The following EFNA5 variants were observed in gnomAD, a reference collection of about 807,000 sequenced individuals.
EFNA5 encodes the protein ephrin A5.
A neutral mutation model predicts 22.9 loss-of-function variants in EFNA5; 5 were observed. The ratio of observed to expected loss-of-function variants is 0.22; its 90% CI spans 0.11 to 0.46. EFNA5 has a LOEUF of 0.46. EFNA5 is among the 20% of genes least tolerant of loss of function. The pLI is 0.99. For synonymous variants in EFNA5, 113 were observed against 112.2 expected (o/e 1.01, Z -0.04); for missense variants, 237 against 293.3 (o/e 0.81, Z 1.40).
At chr5:107,386,191 G>T (rs1184582230) in intron 4 of EFNA5, among the ~76,000 whole-genome samples, 2 of 151,730 alleles carry the variant, frequency 1.3e-5, no homozygotes, top group Admixed American at 1.3e-4. Flanking sequence ...TACATAAGGG[G>T]GCTCAAATCT....
At position 107,565,887 on chromosome 5, in the gene EFNA5, G is replaced by A. The variant is rs371168512; in HGVS notation, c.125+104602C>T. On this transcript the variant is annotated intron_variant, in intron 1 of 4. Coordinates refer to ENST00000333274, the MANE Select transcript of EFNA5 (RefSeq NM_001962.3). ...GGAGGAGAAAAAGTTAATTTTACAT[G>A]ACGCTGCATAATTTTACTTTAGCTG... Among the ~76,000 whole-genome samples the A allele has an allele frequency of 1.8e-4, 28 of 152,306 alleles. 1 individual carries two copies. In the South Asian group the frequency reaches 4.1e-3, roughly 23 times the overall value.
chr5:107,563,149 G>A (rs992581928), intron 1 of EFNA5, among the ~76,000 whole-genome samples: 2 of 152,186 alleles, frequency 1.3e-5, no homozygotes, highest in African/African-American at 4.8e-5. Context: ...AAAGAGCAGG[G>A]CTTAGTTAAT....
chr5:107,524,707 A>G (rs1050948889), intron 1 of EFNA5, among the ~76,000 whole-genome samples: 1 of 152,184 alleles, frequency 6.6e-6, no homozygotes, highest in South Asian at 2.1e-4. Flanking sequence ...AGGAGAGGTA[A>G]CTTTCCTTGA....
chr5:107,515,367 T>A (rs1747455084), intron 1 of EFNA5, among the ~76,000 whole-genome samples: 1 of 145,888 alleles, frequency 6.9e-6, no homozygotes, highest in Non-Finnish European at 1.5e-5. Flanking sequence ...TTTATTTTAT[T>A]ATTATTATTA....
intron 2 of EFNA5, among the ~76,000 whole-genome samples, chr5:107,425,919 G>C (rs1005815383): frequency 6.6e-6 from 1 of 152,132 alleles, no homozygotes; most frequent in Non-Finnish European, 1.5e-5. Flanking sequence ...GGCAAGCTGG[G>C]GTGAAAGTCG....
In EFNA5 at chr5:107,618,642, G is replaced by A. The variant is rs566420713; in HGVS notation, c.125+51847C>T. 4.3e-4 allele frequency among the ~76,000 whole-genome samples: 65 copies of A among 152,310 alleles called. 1 individual carries two copies. Among genetic ancestry groups the A allele is most frequent in the Admixed American group, 2.8e-3 (43 of 15,306 alleles). On this transcript the variant is annotated intron_variant, in intron 1 of 4. Transcript: ENST00000333274. ...AGTTTCAGAGTCCGGGTTAGAATGAGAAGGAAAATAACCACTTTTGTCTGC... is the reference window on the plus strand; with the variant it reads ...AGTTTCAGAGTCCGGGTTAGAATGAAAAGGAAAATAACCACTTTTGTCTGC...
At chr5:107,597,549 A>C (rs1749499382) in intron 1 of EFNA5, among the ~76,000 whole-genome samples, 1 of 152,200 alleles carries the variant, frequency 6.6e-6, no homozygotes, top group South Asian at 2.1e-4. Context: ...ATAGCTTGGA[A>C]AAATATTACT....
chr5:107,532,888 T>C (rs1747845175), intron 1 of EFNA5, among the ~76,000 whole-genome samples: 2 of 152,234 alleles, frequency 1.3e-5, no homozygotes, highest in Non-Finnish European at 2.9e-5. Flanking sequence ...TTCACACCAC[T>C]GTTAAGGTCT....
At chr5:107,454,766 A>G (rs1175836702) in intron 1 of EFNA5, among the ~76,000 whole-genome samples, 2 of 152,180 alleles carry the variant, frequency 1.3e-5, no homozygotes, top group Non-Finnish European at 1.5e-5. Context: ...ATTTAGATAT[A>G]GGCAGGGAGG....
chr5:107,589,955 AGAAT>A (rs1454496803), intron 1 of EFNA5, among the ~76,000 whole-genome samples: 5 of 152,226 alleles, frequency 3.3e-5, no homozygotes, highest in Admixed American at 2.6e-4. Flanking sequence ...CCTTTTCTCA[AGAAT>A]GAATAGCTAT....
At chr5:107,604,906 A>G (rs1749680199) in intron 1 of EFNA5, among the ~76,000 whole-genome samples, 1 of 152,168 alleles carries the variant, frequency 6.6e-6, no homozygotes, top group Non-Finnish European at 1.5e-5. Flanking sequence ...ACTGGCACCT[A>G]ACTAGGTTCA....
At chr5:107,531,529 A>G (rs547718000) in intron 1 of EFNA5, among the ~76,000 whole-genome samples, 2 of 152,340 alleles carry the variant, frequency 1.3e-5, no homozygotes, top group South Asian at 4.1e-4. Flanking sequence ...CATGCAGAAT[A>G]GATCTTTCTC....
intron 1 of EFNA5, among the ~76,000 whole-genome samples, chr5:107,523,967 T>C (rs1203005881): frequency 6.6e-6 from 1 of 152,196 alleles, no homozygotes; most frequent in African/African-American, 2.4e-5. Flanking sequence ...AAGTATCAGG[T>C]TGGGTTCTGA....
intron 2 of EFNA5, among the ~76,000 whole-genome samples, chr5:107,398,366 A>G (rs1189913241): frequency 6.6e-6 from 1 of 151,822 alleles, no homozygotes; most frequent in Admixed American, 6.6e-5. Flanking sequence ...CTAGCACTTA[A>G]CCCATTCTGT....
intron 1 of EFNA5, among the ~76,000 whole-genome samples, chr5:107,512,353 C>T (rs1287544616): frequency 8.4e-6 from 1 of 118,370 alleles, no homozygotes; most frequent in African/African-American, 4.0e-5. Flanking sequence ...AGGGGCAAAA[C>T]AAAACAAACA....
At chr5:107,512,106 A>G (rs2112435062) in intron 1 of EFNA5, among the ~76,000 whole-genome samples, 1 of 152,368 alleles carries the variant, frequency 6.6e-6, no homozygotes. Flanking sequence ...AAGTCAAAAG[A>G]GACTTCAAAT....
At chr5:107,531,514 G>A (rs1180142811) in intron 1 of EFNA5, among the ~76,000 whole-genome samples, 4 of 152,182 alleles carry the variant, frequency 2.6e-5, no homozygotes, top group Non-Finnish European at 5.9e-5. Flanking sequence ...TACCTGAAGG[G>A]CTGTCATGCA....
At position 107,478,724 on chromosome 5, in the gene EFNA5, A is replaced by C. The variant is rs145964313; in HGVS notation, c.126-51215T>G. Among the ~76,000 whole-genome samples, 4 of 152,332 alleles carry C rather than the reference A, an allele frequency of 2.6e-5. No homozygotes were observed. The East Asian group carries it at 7.7e-4, about 29-fold the overall frequency. ...TTAATAAATAGGACAAGGTCACCTGAGTTTACTTCTGGAACCAATAGAAAT... is the reference window on the plus strand; with the variant it reads ...TTAATAAATAGGACAAGGTCACCTGCGTTTACTTCTGGAACCAATAGAAAT... On this transcript the variant is annotated intron_variant, in intron 1 of 4. Transcript: ENST00000333274.
intron 1 of EFNA5, among the ~76,000 whole-genome samples, chr5:107,437,565 T>C (rs1258524186): frequency 6.6e-6 from 1 of 152,270 alleles, no homozygotes; most frequent in Non-Finnish European, 1.5e-5. Context: ...ATTATTACTA[T>C]ACTAGTTTTA....
Sources: gnomAD v4.1 joint callset for allele counts (sites outside exome capture counted in the v4.1 genomes callset) on GRCh38, gnomAD v4.1.1 for gene constraint, MANE v1.5 for transcripts, NCBI Gene and HGNC (gene_info 2026-07-23, HGNC 2026-07-21) for gene names.